WIPF3: variants seen among roughly 807,000 people sequenced by gnomAD.
WIPF3 encodes the protein WAS/WASL interacting protein family member 3.
In WIPF3, 33 loss-of-function variants were observed where a neutral mutation model predicts 38.9. The ratio of observed to expected loss-of-function variants is 0.85; its 90% CI spans 0.64 to 1.14. The LOEUF (loss-of-function observed/expected upper bound fraction) is 1.14. WIPF3 is among the 50% of genes most tolerant of loss of function. The pLI is 0.00. For missense variants in WIPF3, 711 were observed against 652.5 expected, an observed-to-expected ratio of 1.09 and a Z score of -0.98; for synonymous variants, 324 against 269.3, an observed-to-expected ratio of 1.20 and a Z score of -1.99.
At chr7:29,848,531 T>A (rs1293624043) in intron 2 of WIPF3, among the ~76,000 whole-genome samples, 1 of 152,172 alleles carries the variant, frequency 6.6e-6, no homozygotes, top group Non-Finnish European at 1.5e-5. Flanking sequence ...GATGCTGAGA[T>A]TCTAGTGCTG....
chr7:29,833,216 T>A (rs1274347965), intron 1 of WIPF3, among the ~76,000 whole-genome samples: 1 of 152,190 alleles, frequency 6.6e-6, no homozygotes, highest in East Asian at 1.9e-4. Context: ...CTGTTTGGGA[T>A]GATGAACAAG....
At chr7:29,897,780 G>A (rs1473941273) in intron 7 of WIPF3, among the ~76,000 whole-genome samples, 2 of 152,204 alleles carry the variant, frequency 1.3e-5, no homozygotes. Context: ...CAGCTGGGGA[G>A]TAAGAACCTC....
chr7:29,847,330 C>T (rs369792281), intron 2 of WIPF3, among the ~76,000 whole-genome samples: 1 of 152,092 alleles, frequency 6.6e-6, no homozygotes, highest in African/African-American at 2.4e-5. Flanking sequence ...GAAGTCAGGC[C>T]GGCAGTCTGA....
chr7:29,879,136 A>G lies in WIPF3; in HGVS notation c.351A>G (p.Val117=). The change falls in exon 4 of 9, where the codon GTA becomes GTG. Residue 117 remains valine, a synonymous_variant. Transcript: ENST00000242140. ...TGCGACCAGCAGGCCAGCGGGATGT[A>G]GCAGGTAAGGAAGAATTCATTCTGG... is the stretch of plus-strand genomic sequence containing the variant. ...PVLRPAGQRD[V]AGGKTGQGPG... is the part of the protein sequence containing the mutation. 4 of 1,610,892 alleles carry G rather than the reference A, an allele frequency of 2.5e-6. No individual in the cohort carries two copies. Among genetic ancestry groups the G allele is most frequent in the Non-Finnish European group, 3.4e-6 (4 of 1,178,310 alleles).
intron 1 of WIPF3, among the ~76,000 whole-genome samples, chr7:29,828,464 C>T (rs1002193082): frequency 2.6e-5 from 4 of 152,122 alleles, no homozygotes; most frequent in Admixed American, 6.5e-5. Context: ...AGGTCCTGTG[C>T]GACCTGCAGA....
intron 7 of WIPF3, among the ~76,000 whole-genome samples, chr7:29,890,994 C>T (rs13307195): frequency 7.2e-5 from 8 of 111,670 alleles, no homozygotes; most frequent in African/African-American, 1.0e-4. Flanking sequence ...AGGGCCTGCC[C>T]TGTGCTCAGG....
chr7:29,815,584 A>T (rs911091094), intron 1 of WIPF3, among the ~76,000 whole-genome samples: 3 of 152,176 alleles, frequency 2.0e-5, no homozygotes, highest in African/African-American at 7.2e-5. Context: ...GGGAGGCAGT[A>T]TTTTGTGGCT....
At chr7:29,909,431 C>T (rs1786462642) in intron 8 of WIPF3, among the ~76,000 whole-genome samples, 1 of 152,046 alleles carries the variant, frequency 6.6e-6, no homozygotes, top group African/African-American at 2.4e-5. Flanking sequence ...ACAGAGAAGA[C>T]TCAAACTGCT....
intron 7 of WIPF3, among the ~76,000 whole-genome samples, chr7:29,898,803 A>T (rs1462785043): frequency 1.3e-5 from 2 of 152,030 alleles, no homozygotes; most frequent in Non-Finnish European, 2.9e-5. Context: ...TTTCTACCTA[A>T]ATATACAAAC....
At chr7:29,868,877 T>C (rs1297049644) in intron 2 of WIPF3, among the ~76,000 whole-genome samples, 2 of 152,278 alleles carry the variant, frequency 1.3e-5, no homozygotes, top group East Asian at 1.9e-4. Flanking sequence ...AACAATATGG[T>C]ATTATACTGT....
intron 2 of WIPF3, among the ~76,000 whole-genome samples, chr7:29,859,032 A>C (rs1785233157): frequency 6.6e-6 from 1 of 152,240 alleles, no homozygotes. Flanking sequence ...CTTGGAGAAG[A>C]CAGATACATG....
At chr7:29,853,428 G>A (rs1399317625) in intron 2 of WIPF3, among the ~76,000 whole-genome samples, 1 of 152,206 alleles carries the variant, frequency 6.6e-6, no homozygotes, top group East Asian at 1.9e-4. Flanking sequence ...CAGGCACAGT[G>A]AGCTCCAGTG....
chr7:29,898,075 C>T (rs1423355035), intron 7 of WIPF3, among the ~76,000 whole-genome samples: 2 of 152,206 alleles, frequency 1.3e-5, no homozygotes, highest in Non-Finnish European at 2.9e-5. Context: ...CTCCCCTCAG[C>T]ACCATGGTAA....
intron 8 of WIPF3, among the ~76,000 whole-genome samples, chr7:29,911,346 CAG>C (rs1487046419): frequency 1.3e-5 from 2 of 152,150 alleles, no homozygotes; most frequent in Non-Finnish European, 2.9e-5. Flanking sequence ...AAGCAATCTA[CAG>C]ATTCAGTGTA....
intron 1 of WIPF3, among the ~76,000 whole-genome samples, chr7:29,825,471 T>TTCC (rs1784601828): frequency 6.6e-6 from 1 of 152,254 alleles, no homozygotes; most frequent in Non-Finnish European, 1.5e-5. Context: ...CGTGAATGTG[T>TTCC]GATTAATATC....
At chr7:29,861,109 T>C (rs1487820364) in intron 2 of WIPF3, among the ~76,000 whole-genome samples, 1 of 151,908 alleles carries the variant, frequency 6.6e-6, no homozygotes, top group Non-Finnish European at 1.5e-5. Context: ...AGCCCAGAGG[T>C]AGATGGAGTA....
At chr7:29,821,981 GTTAA>G (rs1164036735) in intron 1 of WIPF3, among the ~76,000 whole-genome samples, 5 of 152,086 alleles carry the variant, frequency 3.3e-5, no homozygotes, top group Admixed American at 2.0e-4. Context: ...GTTTTAAAGG[GTTAA>G]TTATTTCATT....
chr7:29,896,535 G>A (rs1360544495), intron 7 of WIPF3, among the ~76,000 whole-genome samples: 2 of 152,184 alleles, frequency 1.3e-5, no homozygotes, highest in Non-Finnish European at 2.9e-5. Context: ...AGGATTGCTT[G>A]AGCCCGGGAG....
chr7:29,825,526 A>G (rs932265311), intron 1 of WIPF3, among the ~76,000 whole-genome samples: 2 of 152,222 alleles, frequency 1.3e-5, no homozygotes, highest in African/African-American at 4.8e-5. Context: ...CAAGGATGAA[A>G]GAGAAGAAAG....
Sources: gnomAD v4.1 joint callset for allele counts (sites outside exome capture counted in the v4.1 genomes callset) on GRCh38, gnomAD v4.1.1 for gene constraint, MANE v1.5 for transcripts, NCBI Gene and HGNC (gene_info 2026-07-23, HGNC 2026-07-21) for gene names.